The following KDM4C variants were observed in gnomAD, a reference collection of about 807,000 sequenced individuals.
The protein encoded by KDM4C is lysine-specific demethylase 4C.
In KDM4C, 81 loss-of-function variants were observed where a neutral mutation model predicts 129.3. The ratio of observed to expected loss-of-function variants is 0.63; its 90% confidence interval spans 0.52 to 0.75. The LOEUF is 0.75. Ranked by LOEUF, KDM4C falls within the 30% of genes least tolerant of loss-of-function variation. The pLI, the probability that KDM4C is intolerant of heterozygous loss-of-function variation, is 0.00. For synonymous variants in KDM4C, 573 were observed against 456.1 expected (o/e 1.26, Z -3.26); for missense variants, 1,457 against 1,304.0 (o/e 1.12, Z -1.81).
chr9:7,078,004 G>T (rs1056211957), intron 17 of KDM4C, among the ~76,000 whole-genome samples: 1 of 152,134 alleles, frequency 6.6e-6, no homozygotes, highest in African/African-American at 2.4e-5. Flanking sequence ...CAACATGTCT[G>T]TTTAATTAAT....
At chr9:6,838,953 A>G (rs1240208093) in intron 4 of KDM4C, among the ~76,000 whole-genome samples, 3 of 152,208 alleles carry the variant, frequency 2.0e-5, no homozygotes, top group African/African-American at 4.8e-5. Context: ...AAGACTATAC[A>G]CTATGGTGTG....
chr9:7,143,301 A>G (rs1239644590), intron 19 of KDM4C, among the ~76,000 whole-genome samples: 1 of 152,264 alleles, frequency 6.6e-6, no homozygotes, highest in Non-Finnish European at 1.5e-5. Flanking sequence ...GATTGAAAAA[A>G]GATATCACAA....
chr9:6,740,333 A>C (rs560137563), intron 1 of KDM4C, among the ~76,000 whole-genome samples: 1 of 152,066 alleles, frequency 6.6e-6, no homozygotes, highest in Admixed American at 6.6e-5. Flanking sequence ...CCTCCCTAGC[A>C]GCTGAGACTA....
At chr9:6,919,223 C>CTTTCTTT (rs532687391) in intron 8 of KDM4C, among the ~76,000 whole-genome samples, 1 of 108,912 alleles carries the variant, frequency 9.2e-6, no homozygotes, top group African/African-American at 3.1e-5. Flanking sequence ...TTTCTTTTTC[C>CTTTCTTT]TTCTTTCTTT....
intron 8 of KDM4C, among the ~76,000 whole-genome samples, chr9:6,955,041 T>G (rs1353975184): frequency 6.6e-6 from 1 of 152,174 alleles, no homozygotes; most frequent in Non-Finnish European, 1.5e-5. Context: ...CTAAAGGAAT[T>G]TTGTGGCTAG....
chr9:7,131,696 A>G (rs1840659575), intron 19 of KDM4C, among the ~76,000 whole-genome samples: 1 of 152,174 alleles, frequency 6.6e-6, no homozygotes, highest in Non-Finnish European at 1.5e-5. Flanking sequence ...TCTACATCAG[A>G]ACTGTTGTCT....
chr9:7,068,346 A>G (rs1832724708), intron 17 of KDM4C, among the ~76,000 whole-genome samples: 1 of 152,188 alleles, frequency 6.6e-6, no homozygotes, highest in Admixed American at 6.5e-5. Context: ...CGCACTTAGA[A>G]GTTTTCCAGG....
chr9:6,859,651 C>T (rs527873424), intron 5 of KDM4C, among the ~76,000 whole-genome samples: 20 of 149,880 alleles, frequency 1.3e-4, no homozygotes, highest in African/African-American at 4.2e-4. Flanking sequence ...TCGCGAGATC[C>T]GGAGATCGAA....
At chr9:7,048,921 G>T (rs1284378223) in intron 16 of KDM4C, among the ~76,000 whole-genome samples, 171 bp from the exon 17 acceptor site, 1 of 152,040 alleles carries the variant, frequency 6.6e-6, no homozygotes, top group East Asian at 1.9e-4. Context: ...TACTGAGTCT[G>T]TCCAGGTATC....
chr9:6,843,940 CCCT>C (rs1837416055), intron 4 of KDM4C, among the ~76,000 whole-genome samples: 1 of 152,084 alleles, frequency 6.6e-6, no homozygotes, highest in South Asian at 2.1e-4. Flanking sequence ...AACCTCAACT[CCCT>C]CCTCAGCCGC....
At chr9:6,746,264 T>TATATATATATA (rs1588058539) in intron 1 of KDM4C, among the ~76,000 whole-genome samples, 1 of 23,338 alleles carries the variant, frequency 4.3e-5, no homozygotes, top group Non-Finnish European at 9.1e-5. Flanking sequence ...ATATATATGT[T>TATATATATATA]TTTTTTTTTT....
At position 6,773,296 on chromosome 9, in the gene KDM4C, A is replaced by G. The variant is rs75679238; in HGVS notation, c.-18+15093A>G. Among the ~76,000 whole-genome samples, 1,163 of 152,322 alleles carry G rather than the reference A, an allele frequency of 7.6e-3. 16 individuals carry two copies. Among genetic ancestry groups the G allele is most frequent in the African/African-American group, 0.027 (1,102 of 41,568 alleles). On this transcript the variant is annotated intron_variant, in intron 1 of 21. Transcript: ENST00000381309. ...GAGTTACAGGCTGTGCCCAGCCACA[A>G]TGTGCAAATGCTACCATAAATTACC... is the stretch of plus-strand genomic sequence containing the variant.
At chr9:7,040,773 T>C (rs551205217) in intron 15 of KDM4C, among the ~76,000 whole-genome samples, 3 of 152,010 alleles carry the variant, frequency 2.0e-5, no homozygotes, top group African/African-American at 7.2e-5. Context: ...TATAATTGTT[T>C]ACTAAATGTG....
At chr9:6,986,934 G>A (rs974932443) in intron 11 of KDM4C, 2 of 357,010 alleles carry the variant, frequency 5.6e-6, no homozygotes, top group Non-Finnish European at 1.0e-5. Flanking sequence ...TCTTTACTTT[G>A]AGGTAATTGT....
chr9:7,050,091 G>A (rs1057199), intron 17 of KDM4C, among the ~76,000 whole-genome samples: 78,572 of 151,692 alleles, frequency 0.52, 21,627 homozygotes, highest in Non-Finnish European at 0.62. Flanking sequence ...TGGGTGTGCC[G>A]TCTCTGGGGC....
At chr9:7,015,210 C>T (rs771185607) in intron 14 of KDM4C, among the ~76,000 whole-genome samples, 13 of 151,900 alleles carry the variant, frequency 8.6e-5, no homozygotes, top group East Asian at 1.9e-4. Context: ...CCCTCTTATA[C>T]GGAGGGGTTT....
intron 6 of KDM4C, among the ~76,000 whole-genome samples, chr9:6,886,132 G>T (rs75576543): frequency 0.06 from 9,198 of 152,270 alleles, 615 homozygotes; most frequent in East Asian, 0.36. Context: ...TTCTCTGTGT[G>T]TAGGACTTAG....
At chr9:7,131,082 AG>A (rs35532298) in intron 19 of KDM4C, among the ~76,000 whole-genome samples, 81,718 of 151,584 alleles carry the variant, frequency 0.54, 22,393 homozygotes, top group Middle Eastern at 0.64. Flanking sequence ...TAACTTCTTC[AG>A]GAAAAAAACA....
chr9:7,003,971 G>C (rs1490053956), intron 12 of KDM4C, among the ~76,000 whole-genome samples: 2 of 152,128 alleles, frequency 1.3e-5, no homozygotes, highest in East Asian at 1.9e-4. Context: ...CCAGGACTGA[G>C]ATTTTGCTCA....
Sources: gnomAD v4.1 joint callset for allele counts (sites outside exome capture counted in the v4.1 genomes callset) on GRCh38, gnomAD v4.1.1 for gene constraint, MANE v1.5 for transcripts, NCBI Gene and HGNC (gene_info 2026-07-23, HGNC 2026-07-21) for gene names.